IPMK: variants seen among roughly 807,000 people sequenced by gnomAD.
IPMK encodes the protein inositol polyphosphate multikinase, also known as inositol 1,3,4,6-tetrakisphosphate 5-kinase.
Under a neutral mutation model 45.8 loss-of-function variants are expected in IPMK, and 17 were observed. The observed-to-expected ratio is 0.37, with a 90% CI of 0.25 to 0.56. The LOEUF is 0.56. Ranked by LOEUF, IPMK falls within the 20% of genes least tolerant of loss-of-function variation. The pLI is 0.79. For missense variants in IPMK, 399 were observed against 498.0 expected, an observed-to-expected ratio of 0.80 and a Z score of 1.89; for synonymous variants, 180 against 184.3, an observed-to-expected ratio of 0.98 and a Z score of 0.19.
At chr10:58,244,238 G>A (rs1026160257) in intron 1 of IPMK, among the ~76,000 whole-genome samples, 9 of 142,934 alleles carry the variant, frequency 6.3e-5, no homozygotes, top group African/African-American at 1.8e-4. Flanking sequence ...GCCTATGCCC[G>A]GCTGCCCTTG....
intron 2 of IPMK, among the ~76,000 whole-genome samples, chr10:58,236,275 G>A (rs187053263): frequency 6.6e-4 from 100 of 152,080 alleles, no homozygotes; most frequent in African/African-American, 2.3e-3. Context: ...AAATAGATAC[G>A]AAAAGGCTCC....
intron 3 of IPMK, among the ~76,000 whole-genome samples, chr10:58,219,757 G>C (rs746695561): frequency 2.6e-5 from 4 of 152,190 alleles, no homozygotes; most frequent in Non-Finnish European, 5.9e-5. Flanking sequence ...CTATCTCACA[G>C]ATAGTAAGAC....
At chr10:58,259,340 A>G (rs757577431) in intron 1 of IPMK, among the ~76,000 whole-genome samples, 2 of 152,156 alleles carry the variant, frequency 1.3e-5, no homozygotes, top group African/African-American at 2.4e-5. Context: ...AACAGGAAAT[A>G]TCAAAAAGAC....
rs571956696 is a variant in IPMK at position 58,253,536 on chromosome 10, G to A, written c.190+13886C>T. Among the ~76,000 whole-genome samples, 18 of 152,042 alleles carry A rather than the reference G, an allele frequency of 1.2e-4. 1 individual carries two copies. In the South Asian group the frequency reaches 2.7e-3, roughly 23 times the overall value. On this transcript the variant is annotated intron_variant, in intron 1 of 5. Coordinates refer to ENST00000373935, the MANE Select transcript of IPMK (RefSeq NM_152230.5). ...CTGAGCTCAGGAGTTTCAGGAGTTCGAGACCAGCCTGGGCAACACAGTGAA... is the reference window on the plus strand; with the variant it reads ...CTGAGCTCAGGAGTTTCAGGAGTTCAAGACCAGCCTGGGCAACACAGTGAA...
At chr10:58,261,165 T>C (rs906271975) in intron 1 of IPMK, among the ~76,000 whole-genome samples, 16 of 147,894 alleles carry the variant, frequency 1.1e-4, no homozygotes, top group African/African-American at 3.0e-4. Context: ...TTCTAGGATA[T>C]AGTCTTAACT....
chr10:58,220,489 A>C (rs888929337), intron 3 of IPMK, among the ~76,000 whole-genome samples: 1 of 152,176 alleles, frequency 6.6e-6, no homozygotes, highest in Admixed American at 6.5e-5. Context: ...TCAAATCTCA[A>C]CTCTATAATT....
rs897701462 is a variant in IPMK at position 58,194,825 on chromosome 10, T to C, written c.*1251A>G. On this transcript the variant is annotated 3_prime_UTR_variant, in exon 6 of 6. Transcript: ENST00000373935. ...GTATTTGAAGACTCAAAGTTTTAAA[T>C]GTTTTAAATGACAAATAACTAGTTG... 6.6e-6 allele frequency: 1 copy of C among 151,962 alleles called. No homozygotes were observed. Among genetic ancestry groups the C allele is most frequent in the African/African-American group, 2.4e-5 (1 of 41,434 alleles). 9.4% of individuals were successfully genotyped at this position (151,962 alleles called of 1,614,324 possible). A position where few individuals can be genotyped will look rare whatever the true frequency, so the allele number is the denominator to read the frequency against.
chr10:58,217,976 G>A (rs890299446), intron 3 of IPMK, among the ~76,000 whole-genome samples: 3 of 152,016 alleles, frequency 2.0e-5, no homozygotes, highest in Non-Finnish European at 4.4e-5. Flanking sequence ...AAACAAAAGT[G>A]AGAACCCAGT....
At chr10:58,238,911 G>C (rs1838657321) in intron 1 of IPMK, among the ~76,000 whole-genome samples, 2 of 151,404 alleles carry the variant, frequency 1.3e-5, no homozygotes. Flanking sequence ...TGTAATTCCA[G>C]CACTTTGGTA....
chr10:58,213,412 C>T (rs533835360), intron 4 of IPMK, among the ~76,000 whole-genome samples: 43 of 152,176 alleles, frequency 2.8e-4, no homozygotes, highest in Non-Finnish European at 4.6e-4. Context: ...AGGCTGGGCG[C>T]GGTGGCTCAC....
At chr10:58,229,381 G>A (rs1324049929) in intron 2 of IPMK, among the ~76,000 whole-genome samples, 1 of 151,846 alleles carries the variant, frequency 6.6e-6, no homozygotes, top group Non-Finnish European at 1.5e-5. Flanking sequence ...TGGCCAACAT[G>A]GCAAAACCCT....
At chr10:58,238,518 C>G (rs1354685140) in intron 1 of IPMK, among the ~76,000 whole-genome samples, 3 of 152,140 alleles carry the variant, frequency 2.0e-5, no homozygotes, top group Admixed American at 2.0e-4. Context: ...ACGTCAAAAT[C>G]TTAAATTTTG....
chr10:58,243,944 C>T (rs1838741874), intron 1 of IPMK, among the ~76,000 whole-genome samples: 1 of 148,812 alleles, frequency 6.7e-6, no homozygotes, highest in Non-Finnish European at 1.5e-5. Flanking sequence ...CCCGACCGCC[C>T]ATCGTCTGGG....
intron 1 of IPMK, among the ~76,000 whole-genome samples, chr10:58,238,914 C>T (rs1380449769): frequency 6.6e-6 from 1 of 151,548 alleles, no homozygotes; most frequent in African/African-American, 2.4e-5. Context: ...AATTCCAGCA[C>T]TTTGGTAGTC....
intron 1 of IPMK, among the ~76,000 whole-genome samples, chr10:58,256,690 C>T (rs192755395): frequency 6.9e-4 from 105 of 152,224 alleles, no homozygotes; most frequent in Middle Eastern, 3.4e-3. Flanking sequence ...CAGAACCTGC[C>T]GACATGTGAT....
intron 1 of IPMK, among the ~76,000 whole-genome samples, chr10:58,253,992 G>A (rs1838925547): frequency 6.6e-6 from 1 of 152,010 alleles, no homozygotes; most frequent in Admixed American, 6.6e-5. Context: ...TTGCTTATTT[G>A]ATTATAATGT....
intron 3 of IPMK, among the ~76,000 whole-genome samples, chr10:58,218,216 GA>G (rs931862769): frequency 2.8e-4 from 42 of 152,244 alleles, no homozygotes; most frequent in African/African-American, 9.6e-4. Flanking sequence ...GGTTTTCCCA[GA>G]CAGACAATTT....
intron 1 of IPMK, among the ~76,000 whole-genome samples, chr10:58,266,481 G>C (rs1248504001): frequency 6.6e-6 from 1 of 152,112 alleles, no homozygotes; most frequent in African/African-American, 2.4e-5. Context: ...CTTAACCAGG[G>C]TTGGCCTTAG....
At position 58,225,179 on chromosome 10, in the gene IPMK, A is replaced by C. The variant is rs141741929; in HGVS notation, c.373+1864T>G. Among the ~76,000 whole-genome samples the C allele has an allele frequency of 2.6e-4, 40 of 152,216 alleles. No homozygotes were observed. The East Asian group carries it at 7.5e-3, about 29-fold the overall frequency. ...CTTCCTCACTTCATCCTCTCATCTT[A>C]GGAGCACCAATATCTCCATTTATTT... On this transcript the variant is annotated intron_variant, in intron 3 of 5. Coordinates refer to ENST00000373935, the MANE Select transcript of IPMK (RefSeq NM_152230.5).
Sources: allele counts gnomAD v4.1 joint callset (sites outside exome capture counted in the v4.1 genomes callset), GRCh38; gene constraint gnomAD v4.1.1; transcripts MANE v1.5; gene names NCBI Gene and HGNC (gene_info 2026-07-23, HGNC 2026-07-21).